Variants in TSPEAR observed in about 807,000 individuals in gnomAD.
TSPEAR encodes the protein thrombospondin type laminin G domain and EAR repeats, also known as thrombospondin-type laminin G domain and EAR repeat-containing protein.
Under a neutral mutation model 71.6 loss-of-function variants are expected in TSPEAR, and 69 were observed. The observed-to-expected ratio is 0.96, with a 90% CI of 0.79 to 1.18. The LOEUF (loss-of-function observed/expected upper bound fraction) is 1.18. Among genes scored for constraint, TSPEAR ranks in the 50% most tolerant of loss-of-function variants. The pLI, the probability that TSPEAR is intolerant of heterozygous loss-of-function variation, is 0.00. For synonymous variants in TSPEAR, 402 were observed against 387.2 expected, an observed-to-expected ratio of 1.04 and a Z score of -0.45; for missense variants, 971 against 894.9, an observed-to-expected ratio of 1.09 and a Z score of -1.09.
chr21:44,664,989 C>T (rs1985679122), intron 1 of TSPEAR, among the ~76,000 whole-genome samples: 1 of 152,182 alleles, frequency 6.6e-6, no homozygotes, highest in Non-Finnish European at 1.5e-5. Flanking sequence ...CCAGTTTGAC[C>T]TCTAACTCCC....
intron 1 of TSPEAR, among the ~76,000 whole-genome samples, chr21:44,667,359 G>A (rs587633733): frequency 2.0e-5 from 3 of 152,310 alleles, no homozygotes; most frequent in Admixed American, 2.0e-4. Flanking sequence ...TGGGTGTCCT[G>A]AGAGCTTAGA....
intron 1 of TSPEAR, chr21:44,601,798 A>C: frequency 1.3e-6 from 2 of 1,557,268 alleles, no homozygotes; most frequent in African/African-American, 2.7e-5. Flanking sequence ...TGGATTCTTT[A>C]CCCTTGACGG....
At chr21:44,578,612 A>T (rs1207206713) in intron 1 of TSPEAR, among the ~76,000 whole-genome samples, 3 of 152,030 alleles carry the variant, frequency 2.0e-5, no homozygotes, top group Non-Finnish European at 4.4e-5. Flanking sequence ...ATGGACACAG[A>T]CTCCTGGGAT....
rs587686657 is a variant in TSPEAR, at chr21:44,638,051, T to C, written c.83-70046A>G. On this transcript the variant is annotated intron_variant, in intron 1 of 11. Coordinates refer to ENST00000323084, the MANE Select transcript of TSPEAR (RefSeq NM_144991.3). ...CGTGCCCGTCCCCTCCTGCGGTGCC[T>C]CTGCCTCCTCCTGCCAGCCCAGCTG... 3.7e-5 allele frequency: 60 copies of C among 1,613,190 alleles called. No individual in the cohort carries two copies. Among genetic ancestry groups the C allele is most frequent in the South Asian group, 3.5e-4 (32 of 90,958 alleles).
chr21:44,690,870 C>T (rs1354034459), intron 1 of TSPEAR, among the ~76,000 whole-genome samples: 1 of 152,172 alleles, frequency 6.6e-6, no homozygotes, highest in Non-Finnish European at 1.5e-5. Flanking sequence ...ACCTCAGCCT[C>T]TCAAGTAGCT....
intron 2 of TSPEAR, chr21:44,558,255 G>A (rs782177176): frequency 6.8e-6 from 11 of 1,614,084 alleles, no homozygotes; most frequent in Non-Finnish European, 9.3e-6. Context: ...GGAGGAGGAG[G>A]GTCTGCAGCA....
chr21:44,698,440 T>C (rs1245522690), intron 1 of TSPEAR, among the ~76,000 whole-genome samples: 1 of 152,146 alleles, frequency 6.6e-6, no homozygotes, highest in Admixed American at 6.5e-5. Flanking sequence ...CCCGCAGGAA[T>C]GTACCAGTCC....
rs587626781 is a variant in TSPEAR at position 44,521,920 on chromosome 21, C to T, written c.1529G>A (p.Arg510Gln). The change falls in exon 9 of 12, where the codon CGA becomes CAA. Residue 510 changes from arginine to glutamine, a missense_variant. Physicochemically the swap from Arg to Gln is conservative, Grantham distance 43. Transcript: ENST00000323084. ...STKVHSHLYI[R>Q]LLGSFQLFQS... ...GAAGAGCTGGAAGGAGCCCAGGAGT[C>T]GGATGTAGAGGTGCGAGTGCACCTT... The T allele has an allele frequency of 5.0e-6, 8 of 1,613,866 alleles. No homozygotes were observed. Among genetic ancestry groups the T allele is most frequent in the East Asian group, 4.5e-5 (2 of 44,862 alleles).
chr21:44,682,732 G>A (rs1986666110), intron 1 of TSPEAR, among the ~76,000 whole-genome samples: 1 of 152,182 alleles, frequency 6.6e-6, no homozygotes. Context: ...TCTCTGCTGG[G>A]GCAGGCTTCC....
rs375980269 is a variant in TSPEAR at position 44,612,742 on chromosome 21, C to T, written c.83-44737G>A. The T allele has an allele frequency of 1.7e-5, 27 of 1,613,814 alleles. No individual in the cohort carries two copies. Among genetic ancestry groups the T allele is most frequent in the East Asian group, 4.5e-5 (2 of 44,880 alleles). On this transcript the variant is annotated intron_variant, in intron 1 of 11. Coordinates refer to ENST00000323084, the MANE Select transcript of TSPEAR (RefSeq NM_144991.3). This position sits in a 1 kb window ranked among gnomAD's most constrained non-coding sequence, Gnocchi z 4.1. Reference sequence around the variant, plus strand: ...CCTCCTCCGTGTCCCTCCTCTGCCGCCCTGTGTGCCGGCCTGCCTGCTGTG... The same window carrying T: ...CCTCCTCCGTGTCCCTCCTCTGCCGTCCTGTGTGCCGGCCTGCCTGCTGTG...
chr21:44,705,392 A>G (rs1475757477), intron 1 of TSPEAR, among the ~76,000 whole-genome samples: 1 of 152,248 alleles, frequency 6.6e-6, no homozygotes, highest in African/African-American at 2.4e-5. Flanking sequence ...GATAACAGCA[A>G]TTGTTCAGGG....
intron 1 of TSPEAR, among the ~76,000 whole-genome samples, chr21:44,620,439 T>C (rs2146191246): frequency 6.6e-6 from 1 of 152,370 alleles, no homozygotes; most frequent in South Asian, 2.1e-4. Context: ...CATTACATCT[T>C]GGTTATCTAA....
chr21:44,499,959 C>T (rs782660251), intron 11 of TSPEAR, 23 bp from the exon 12 acceptor site: 8 of 1,589,062 alleles, frequency 5.0e-6, no homozygotes, highest in South Asian at 3.4e-5. Flanking sequence ...CAGCGGCAGC[C>T]GGGTCAGCCT....
In TSPEAR at chr21:44,600,265, T is replaced by A. The variant is rs143439696; in HGVS notation, c.83-32260A>T. 1.0e-3 allele frequency among the ~76,000 whole-genome samples: 157 copies of A among 152,232 alleles called. 1 individual carries two copies. Among genetic ancestry groups the A allele is most frequent in the African/African-American group, 3.5e-3 (144 of 41,530 alleles). On this transcript the variant is annotated intron_variant, in intron 1 of 11. Coordinates refer to ENST00000323084, the MANE Select transcript of TSPEAR (RefSeq NM_144991.3). ...GGGATTAGGATGGATGGATCTCTCC[T>A]GCAGCCAGCACAGGCCCCTGGGACA...
chr21:44,567,659 G>A (rs2053720039), intron 2 of TSPEAR, 126 bp downstream of exon 2: 1 of 769,162 alleles, frequency 1.3e-6, no homozygotes, highest in Non-Finnish European at 1.9e-6. Context: ...AGCCACTCTT[G>A]ATCCCAGAGA....
chr21:44,565,423 A>C (rs1161804657), intron 2 of TSPEAR, among the ~76,000 whole-genome samples: 1 of 152,222 alleles, frequency 6.6e-6, no homozygotes, highest in Admixed American at 6.5e-5. Context: ...AGAAAACTAC[A>C]GACCAATACC....
chr21:44,674,585 C>T (rs781949919), intron 1 of TSPEAR, among the ~76,000 whole-genome samples: 2 of 151,954 alleles, frequency 1.3e-5, no homozygotes. Context: ...GTTATGGTGG[C>T]ACATGCCTGT....
At position 44,675,654 on chromosome 21, in the gene TSPEAR, A is replaced by G. The variant is rs138742652; in HGVS notation, c.82+35779T>C. Among the ~76,000 whole-genome samples, 11 of 152,312 alleles carry G rather than the reference A, an allele frequency of 7.2e-5. No individual in the cohort carries two copies. The East Asian group carries it at 2.1e-3, about 29-fold the overall frequency. On this transcript the variant is annotated intron_variant, in intron 1 of 11. Transcript: ENST00000323084. Reference sequence around the variant, plus strand: ...TGATCAGTAAAATCCGAAAAACAGAAAATGTTACACGAGTTGCAAAGAAAG... The same window carrying G: ...TGATCAGTAAAATCCGAAAAACAGAGAATGTTACACGAGTTGCAAAGAAAG...
At chr21:44,525,927 CT>C (rs2052846710) in intron 7 of TSPEAR, 88 bp from the exon 8 acceptor site, 2 of 1,322,674 alleles carry the variant, frequency 1.5e-6, no homozygotes, top group African/African-American at 2.9e-5. Flanking sequence ...ATCAGCATCT[CT>C]CTCCAGATCC....
Sources: allele counts gnomAD v4.1 joint callset (sites outside exome capture counted in the v4.1 genomes callset), GRCh38; gene constraint gnomAD v4.1.1; non-coding constraint Gnocchi (gnomAD v3.1); transcripts MANE v1.5; gene names NCBI Gene and HGNC (gene_info 2026-07-23, HGNC 2026-07-21).